TXNIP: variants seen among roughly 807,000 people sequenced by gnomAD.
TXNIP encodes thioredoxin-interacting protein.
In TXNIP, 23 loss-of-function variants were observed where a neutral mutation model predicts 43.9. The ratio of observed to expected loss-of-function variants is 0.52; its 90% CI spans 0.38 to 0.74. TXNIP has a LOEUF of 0.74. Ranked by LOEUF, TXNIP falls within the 30% of genes least tolerant of loss-of-function variation. The probability of loss-of-function intolerance (pLI) is 0.00; values close to 1 mark genes in which losing one functional copy is unlikely to be tolerated. For synonymous variants in TXNIP, 234 were observed against 172.2 expected (o/e 1.36, Z -2.81); for missense variants, 555 against 485.4 (o/e 1.14, Z -1.35).
rs1651387569 is a variant in TXNIP, at chr1:145,994,818, G to A, written c.575-18C>T. ...CTCATCACCTAGCAATGAGAAAGATGAAAACTTACTGATACTCAGTATAGT... is the reference window on the plus strand; with the variant it reads ...CTCATCACCTAGCAATGAGAAAGATAAAAACTTACTGATACTCAGTATAGT... On this transcript the variant is annotated intron_variant, in intron 4 of 7. Coordinates refer to ENST00000582401, the MANE Select transcript of TXNIP (RefSeq NM_006472.6). 6.2e-7 allele frequency: 1 copy of A among 1,614,092 alleles called. No homozygotes were observed. Among genetic ancestry groups the A allele is most frequent in the Non-Finnish European group, 8.5e-7 (1 of 1,180,006 alleles).
rs1553766535 is a variant in TXNIP at position 145,996,066 on chromosome 1, C to T, written c.201G>A (p.Ser67=). ...GCGTGTCTTCATAGCGCAGGTACTC[C>T]GAAGTCTGTTTGCACTGCTGGGATC... ...MQGSQQCKQT[S]EYLRYEDTLL... is the part of the protein sequence containing the mutation. The change falls in exon 1 of 8, where the codon TCG becomes TCA. Residue 67 remains serine, a synonymous_variant. Transcript: ENST00000582401. 1 of 1,614,074 alleles carries T rather than the reference C, an allele frequency of 6.2e-7. No individual in the cohort carries two copies. The highest frequency in any genetic ancestry group is 8.5e-7 in the Non-Finnish European group (1 of 1,180,028).
At position 145,994,115 on chromosome 1, in the gene TXNIP, TG is replaced by T; in HGVS notation, c.1040del (p.Pro347GlnfsTer6). 6.2e-7 allele frequency: 1 copy of T among 1,614,180 alleles called. No individual in the cohort carries two copies. The highest frequency in any genetic ancestry group is 8.5e-7 in the Non-Finnish European group (1 of 1,180,028). On this transcript the variant is annotated frameshift_variant, in exon 7 of 8. Transcript: ENST00000582401. LOFTEE classifies it high-confidence loss of function. Reference sequence around the variant, plus strand: ...CCATGTCATCTAGCAGAGGAGTGGTTGGGCTCTCCAATCGGTGATCTTCAGG... The same window carrying T: ...CCATGTCATCTAGCAGAGGAGTGGTTGGCTCTCCAATCGGTGATCTTCAGG... ...VIPEDHRLES[P>X]TTPLLDDMDG...
rs965670628 is a variant in TXNIP at position 145,992,478 on chromosome 1, G to A, written c.*1373C>T. On this transcript the variant is annotated 3_prime_UTR_variant, in exon 8 of 8. Transcript: ENST00000582401. ...AAACTTTATTTTCATTTTTTACAAA[G>A]AATATCCCCATCTGGGGTAAAAATA... 2 of 152,128 alleles carry A rather than the reference G, an allele frequency of 1.3e-5. No individual in the cohort carries two copies. The highest frequency in any genetic ancestry group is 4.9e-5 in the African/African-American group (2 of 41,206). 9.4% of individuals were successfully genotyped at this position (152,128 alleles called of 1,614,324 possible). A position where few individuals can be genotyped will look rare whatever the true frequency, so the allele number is the denominator to read the frequency against.
At position 145,996,368 on chromosome 1, in the gene TXNIP, AATTAAGGT is replaced by A. The variant is rs1571022439; in HGVS notation, c.-110_-103del. 1 of 1,345,398 alleles carries A rather than the reference AATTAAGGT, an allele frequency of 7.4e-7. No individual in the cohort carries two copies. Among genetic ancestry groups the A allele is most frequent in the East Asian group, 2.3e-5 (1 of 43,294 alleles). The allele number at this position is 1,345,398 out of a possible 1,614,324, so 83.3% of individuals were successfully genotyped here. On this transcript the variant is annotated 5_prime_UTR_variant, in exon 1 of 8. Transcript: ENST00000582401. ...TGCAAAAAATTATTTCACTTTAAGG[AATTAAGGT>A]ATTCTTAAGCAGTTTGAGCTTAAAA...
At chr1:145,995,528 T>C in intron 1 of TXNIP, 52 bp from the exon 2 acceptor site, 2 of 1,536,856 alleles carry the variant, frequency 1.3e-6, no homozygotes, top group Non-Finnish European at 1.8e-6. Context: ...ACACTTAAAA[T>C]GCATCTGTGT....
Position 145,996,190 on chromosome 1 carries a change from T to A in TXNIP, c.77A>T (p.Lys26Met). 6.2e-7 allele frequency: 1 copy of A among 1,614,120 alleles called. No homozygotes were observed. The highest frequency in any genetic ancestry group is 8.5e-7 in the Non-Finnish European group (1 of 1,180,030). The change falls in exon 1 of 8, where the codon AAG (lysine) becomes ATG (methionine). Residue 26 changes from lysine (K) to methionine (M), a missense_variant. By Grantham distance (95) the Lys-to-Met change is moderately conservative (BLOSUM62 -1). Transcript: ENST00000582401. ...DPEKVYGSGE[K>M]VAGRVIVEVC... Reference sequence around the variant, plus strand: ...CTCCACTATCACCCGGCCAGCCACCTTCTCGCCACTGCCGTACACCTTTTC... The same window carrying A: ...CTCCACTATCACCCGGCCAGCCACCATCTCGCCACTGCCGTACACCTTTTC...
Position 145,992,518 on chromosome 1 carries a change from C to G in TXNIP, c.*1333G>C, listed in dbSNP as rs1651192811. ...GGGTAAAAATATATCTGGTTAAGTACAAAATATAGTCTTTACCATACAAAA... is the reference window on the plus strand; with the variant it reads ...GGGTAAAAATATATCTGGTTAAGTAGAAAATATAGTCTTTACCATACAAAA... On this transcript the variant is annotated 3_prime_UTR_variant, in exon 8 of 8. Coordinates refer to ENST00000582401, the MANE Select transcript of TXNIP (RefSeq NM_006472.6). 4 of 152,540 alleles carry G rather than the reference C, an allele frequency of 2.6e-5. No individual in the cohort carries two copies. In the South Asian group the frequency reaches 6.2e-4, roughly 24 times the overall value. 9.4% of individuals were successfully genotyped at this position (152,540 alleles called of 1,614,324 possible).
intron 4 of TXNIP, 61 bp from the exon 5 acceptor site, chr1:145,994,861 C>T: frequency 6.2e-7 from 1 of 1,613,632 alleles, no homozygotes; most frequent in South Asian, 1.1e-5. Flanking sequence ...ACTTCCTCTA[C>T]CCCAGTCCCA....
In TXNIP at chr1:145,996,117, T is replaced by C. The variant is rs781807550; in HGVS notation, c.150A>G (p.Gly50=). ...CCTGCATCCAAAGCACTTTAGCCACTCCGCAAGCCAGGATCCTAACGGCTT... is the reference window on the plus strand; with the variant it reads ...CCTGCATCCAAAGCACTTTAGCCACCCCGCAAGCCAGGATCCTAACGGCTT... The part of the protein sequence containing the change: ...RVKAVRILAC[G]VAKVLWMQGS... Residue 50 remains glycine, a synonymous_variant, in exon 1 of 8, where the codon GGA becomes GGG. Coordinates refer to ENST00000582401, the MANE Select transcript of TXNIP (RefSeq NM_006472.6). 1.2e-6 allele frequency: 2 copies of C among 1,613,860 alleles called. No individual in the cohort carries two copies. Among genetic ancestry groups the C allele is most frequent in the Admixed American group, 3.3e-5 (2 of 59,956 alleles).
rs1193362370 is a variant in TXNIP, at chr1:145,993,889, A to C, written c.1141-3T>G. ...TTGTTGAGGATGCAGGGATCCACCT[A>C]AAGAAAGAAACAGACTATTTCAGTT... On this transcript the variant is annotated splice_polypyrimidine_tract_variant and splice_region_variant and intron_variant, in intron 7 of 7. Coordinates refer to ENST00000582401, the MANE Select transcript of TXNIP (RefSeq NM_006472.6). 3 of 1,614,050 alleles carry C rather than the reference A, an allele frequency of 1.9e-6. No homozygotes were observed. The South Asian group carries it at 3.3e-5, about 18-fold the overall frequency.
Position 145,996,412 on chromosome 1 carries a change from A to T in TXNIP, c.-146T>A, listed in dbSNP as rs1553766662. On this transcript the variant is annotated 5_prime_UTR_variant, in exon 1 of 8. Coordinates refer to ENST00000582401, the MANE Select transcript of TXNIP (RefSeq NM_006472.6). Reference sequence around the variant, plus strand: ...AGTTTGAGCTTAAAAATAAAATAAGATTTAAACAAATGAATATTAACTACT... The same window carrying T: ...AGTTTGAGCTTAAAAATAAAATAAGTTTTAAACAAATGAATATTAACTACT... The T allele has an allele frequency of 1.0e-6, 1 of 997,362 alleles. No individual in the cohort carries two copies. The highest frequency in any genetic ancestry group is 1.4e-6 in the Non-Finnish European group (1 of 693,494). 61.8% of individuals were successfully genotyped at this position (997,362 alleles called of 1,614,324 possible).
Position 145,994,437 on chromosome 1 carries a change from T to C in TXNIP, c.832A>G (p.Ile278Val). The change falls in exon 6 of 8, where the codon ATC becomes GTC. Residue 278 changes from isoleucine to valine, a missense_variant and splice_region_variant. Ile to Val is a conservative substitution (Grantham distance 29, BLOSUM62 3). Transcript: ENST00000582401. The part of the protein sequence containing the change: ...NILRVEYSLL[I>V]YVSVPGSKKV... ...TTGGATCCAGGAACGCTAACATAGA[T>C]CTAGAAAGGAAGATGGCAGTTTATT... is the stretch of plus-strand genomic sequence containing the variant. 1.2e-6 allele frequency: 2 copies of C among 1,613,566 alleles called. No homozygotes were observed. The highest frequency in any genetic ancestry group is 1.7e-5 in the Admixed American group (1 of 59,960).
intron 4 of TXNIP, 32 bp downstream of exon 4, chr1:145,994,897 T>C (rs781993790): frequency 6.2e-7 from 1 of 1,614,088 alleles, no homozygotes; most frequent in Non-Finnish European, 8.5e-7. Flanking sequence ...ACCCAGTTCC[T>C]GTTTTAACTG....
Position 145,994,585 on chromosome 1 carries a change from TAGA to T in TXNIP, c.787_789del (p.Ser263del). On this transcript the variant is annotated inframe_deletion, in exon 5 of 8. Coordinates refer to ENST00000582401, the MANE Select transcript of TXNIP (RefSeq NM_006472.6). ...ACTCGAAGGATGTTGCAGCCCAGGA[TAGA>T]AGGCCTGATCTTCTGAACCCGAAGG... 1 of 1,614,198 alleles carries T rather than the reference TAGA, an allele frequency of 6.2e-7. No homozygotes were observed. The highest frequency in any genetic ancestry group is 8.5e-7 in the Non-Finnish European group (1 of 1,180,028).
In TXNIP at chr1:145,996,404, A is replaced by G; in HGVS notation, c.-138T>C. ...TCTTAAGCAGTTTGAGCTTAAAAAT[A>G]AAATAAGATTTAAACAAATGAATAT... On this transcript the variant is annotated 5_prime_UTR_variant, in exon 1 of 8. Coordinates refer to ENST00000582401, the MANE Select transcript of TXNIP (RefSeq NM_006472.6). The G allele has an allele frequency of 1.8e-6, 2 of 1,088,300 alleles. No homozygotes were observed. The highest frequency in any genetic ancestry group is 2.6e-6 in the Non-Finnish European group (2 of 767,260). The allele number at this position is 1,088,300 out of a possible 1,614,324, so 67.4% of individuals were successfully genotyped here.
Position 145,994,616 on chromosome 1 carries a change from C to CT in TXNIP, c.758dup (p.Ser254GlufsTer20). On this transcript the variant is annotated frameshift_variant, in exon 5 of 8. Coordinates refer to ENST00000582401, the MANE Select transcript of TXNIP (RefSeq NM_006472.6). LOFTEE classifies it high-confidence loss of function. ...GCCTGATCTTCTGAACCCGAAGGCT[C>CT]TTGCCACGCCATGATGCGCATGTCC... 1 of 1,614,198 alleles carries CT rather than the reference C, an allele frequency of 6.2e-7. No homozygotes were observed. The highest frequency in any genetic ancestry group is 8.5e-7 in the Non-Finnish European group (1 of 1,180,034).
Position 145,995,720 on chromosome 1 carries a change from C to G in TXNIP, c.251-244G>C, listed in dbSNP as rs146568622. On this transcript the variant is annotated intron_variant, in intron 1 of 7. Transcript: ENST00000582401. ...ACCCAGGACAGTTCTCTACTAACAT[C>G]TCAAATAGGAAGTAGACAAAGAATA... 2.0e-4 allele frequency: 123 copies of G among 609,438 alleles called. No homozygotes were observed. In the East Asian group the frequency reaches 3.3e-3, roughly 16 times the overall value. 37.8% of individuals were successfully genotyped at this position (609,438 alleles called of 1,614,324 possible).
At chr1:145,995,809 G>A (rs1651487634) in intron 1 of TXNIP, 2 of 682,188 alleles carry the variant, frequency 2.9e-6, no homozygotes, top group Non-Finnish European at 4.8e-6. Context: ...TCCCCTTTAG[G>A]ACACAGCACC....
chr1:145,994,248 A>T (rs782691996), intron 6 of TXNIP, 33 bp downstream of exon 6: 2 of 1,613,060 alleles, frequency 1.2e-6, no homozygotes, highest in Admixed American at 3.3e-5. Context: ...CAGGTAGACC[A>T]GAAACAAAGA....
Sources: allele counts gnomAD v4.1 joint callset, GRCh38; gene constraint gnomAD v4.1.1; transcripts MANE v1.5; gene names NCBI Gene and HGNC (gene_info 2026-07-23, HGNC 2026-07-21).